Variants in EPS8 observed in about 807,000 individuals in gnomAD.
EPS8 encodes epidermal growth factor receptor kinase substrate 8.
Under a neutral mutation model 103.8 loss-of-function variants are expected in EPS8, and 42 were observed. The observed-to-expected ratio is 0.40, with a 90% CI of 0.32 to 0.52. EPS8 has a LOEUF of 0.52. Among genes scored for constraint, EPS8 ranks in the 20% least tolerant of loss-of-function variants. The probability of loss-of-function intolerance (pLI) is 0.40; values close to 1 mark genes in which losing one functional copy is unlikely to be tolerated. For synonymous variants in EPS8, 344 were observed against 344.6 expected, an observed-to-expected ratio of 1.00 and a Z score of 0.02; for missense variants, 969 against 1,005.1, an observed-to-expected ratio of 0.96 and a Z score of 0.49.
At chr12:15,730,625 G>A (rs1764036353) in intron 1 of EPS8, among the ~76,000 whole-genome samples, 1 of 152,006 alleles carries the variant, frequency 6.6e-6, no homozygotes, top group African/African-American at 2.4e-5. Flanking sequence ...TGAGGGCAGG[G>A]GCCTTCTCTT....
intron 6 of EPS8, among the ~76,000 whole-genome samples, chr12:15,667,503 C>T (rs995877264): frequency 6.6e-6 from 1 of 151,716 alleles, no homozygotes; most frequent in Admixed American, 6.6e-5. Context: ...ACATAGGATA[C>T]TAAAACTGAA....
intron 12 of EPS8, among the ~76,000 whole-genome samples, chr12:15,656,514 G>A (rs1945510201): frequency 6.6e-6 from 1 of 152,126 alleles, no homozygotes; most frequent in Non-Finnish European, 1.5e-5. Flanking sequence ...TGTTTGTAAA[G>A]CAATACTCAT....
At chr12:15,692,531 G>T (rs968600008) in intron 1 of EPS8, among the ~76,000 whole-genome samples, 11 of 151,704 alleles carry the variant, frequency 7.3e-5, no homozygotes, top group African/African-American at 2.7e-4. Flanking sequence ...GGTGTTTTTT[G>T]AAAAATTCAG....
intron 2 of EPS8, among the ~76,000 whole-genome samples, chr12:15,681,622 C>T (rs1028046166): frequency 6.8e-6 from 1 of 146,660 alleles, no homozygotes; most frequent in Admixed American, 7.1e-5. Flanking sequence ...CCCAGCTACT[C>T]GGGAGGCTGA....
chr12:15,731,602 T>C lies in EPS8; in HGVS notation c.-21-48630A>G, dbSNP rs1188838221. On this transcript the variant is annotated intron_variant, in intron 1 of 20. Coordinates refer to ENST00000281172, the MANE Select transcript of EPS8 (RefSeq NM_004447.6). This position sits in a 1 kb window ranked among gnomAD's most constrained non-coding sequence, Gnocchi z 5.1. ...CATGAGCCACCATGCCTGGCCTTAATTGACTTTTAATTGGCTTTTTCACAT... is the reference window on the plus strand; with the variant it reads ...CATGAGCCACCATGCCTGGCCTTAACTGACTTTTAATTGGCTTTTTCACAT... 2.0e-5 allele frequency among the ~76,000 whole-genome samples: 3 copies of C among 152,214 alleles called. No homozygotes were observed. Among genetic ancestry groups the C allele is most frequent in the East Asian group, 1.9e-4 (1 of 5,188 alleles).
chr12:15,775,987 A>G (rs1450419274), intron 1 of EPS8, among the ~76,000 whole-genome samples: 1 of 152,164 alleles, frequency 6.6e-6, no homozygotes, highest in Non-Finnish European at 1.5e-5. Context: ...AGAACACTGG[A>G]AAAAGCTGAA....
rs1009695070 is a variant in EPS8 at position 15,769,405 on chromosome 12, G to A, written c.-22+19756C>T. ...GAATAAGAAAAAATAAATGAAAAAT[G>A]CATTTTCAAGGATATATTAAAGAAA... On this transcript the variant is annotated intron_variant, in intron 1 of 20. Transcript: ENST00000281172. The surrounding 1 kb of genome is among the most constrained non-coding windows in gnomAD (Gnocchi z 4.6). 7.9e-5 allele frequency among the ~76,000 whole-genome samples: 12 copies of A among 152,000 alleles called. No individual in the cohort carries two copies. Among genetic ancestry groups the A allele is most frequent in the African/African-American group, 2.9e-4 (12 of 41,386 alleles).
intron 1 of EPS8, among the ~76,000 whole-genome samples, chr12:15,711,524 G>T (rs1591885202): frequency 6.6e-6 from 1 of 152,166 alleles, no homozygotes; most frequent in Admixed American, 6.5e-5. Flanking sequence ...GTGGGGACAG[G>T]TGGATCAGGG....
rs1034598472 is a variant in EPS8 at position 15,717,774 on chromosome 12, T to A, written c.-21-34802A>T. Among the ~76,000 whole-genome samples the A allele has an allele frequency of 6.6e-6, 1 of 152,042 alleles. No homozygotes were observed. The highest frequency in any genetic ancestry group is 1.5e-5 in the Non-Finnish European group (1 of 68,014). ...TAGGAAAATATTGATTTGAGAAAAA[T>A]GAACCGCAAAATTATGTAACAGGGA... On this transcript the variant is annotated intron_variant, in intron 1 of 20. Coordinates refer to ENST00000281172, the MANE Select transcript of EPS8 (RefSeq NM_004447.6). The surrounding 1 kb of genome is among the most constrained non-coding windows in gnomAD (Gnocchi z 4.3).
At chr12:15,758,592 A>G (rs531115091) in intron 1 of EPS8, among the ~76,000 whole-genome samples, 3 of 152,226 alleles carry the variant, frequency 2.0e-5, no homozygotes, top group Admixed American at 1.3e-4. Context: ...ACTGGTACAG[A>G]TTAAAGAAGG....
chr12:15,774,638 T>C (rs543637237), intron 1 of EPS8, among the ~76,000 whole-genome samples: 30 of 147,236 alleles, frequency 2.0e-4, no homozygotes, highest in African/African-American at 7.4e-4. Context: ...TAAATATACA[T>C]ACATACATAT....
In EPS8 at chr12:15,698,516, T is replaced by C. The variant is rs1293306665; in HGVS notation, c.-21-15544A>G. ...CTCTTATTGCCAGCCAACTTCCTTATTTTCCTCAAATGGAGTGGAAAAATA... is the reference window on the plus strand; with the variant it reads ...CTCTTATTGCCAGCCAACTTCCTTACTTTCCTCAAATGGAGTGGAAAAATA... On this transcript the variant is annotated intron_variant, in intron 1 of 20. Transcript: ENST00000281172. This position sits in a 1 kb window ranked among gnomAD's most constrained non-coding sequence, Gnocchi z 4.9. Among the ~76,000 whole-genome samples, 1 of 150,512 alleles carries C rather than the reference T, an allele frequency of 6.6e-6. No homozygotes were observed. Among genetic ancestry groups the C allele is most frequent in the Non-Finnish European group, 1.5e-5 (1 of 67,908 alleles).
chr12:15,692,510 A>T lies in EPS8; in HGVS notation c.-21-9538T>A, dbSNP rs191482220. On this transcript the variant is annotated intron_variant, in intron 1 of 20. Coordinates refer to ENST00000281172, the MANE Select transcript of EPS8 (RefSeq NM_004447.6). ...ATGTTCTGAAATGTTATGGTGCTAT[A>T]CATTAGTATGGGTGTTTTTTGAAAA... Among the ~76,000 whole-genome samples the T allele has an allele frequency of 1.7e-3, 257 of 152,020 alleles. 1 individual carries two copies. The highest frequency in any genetic ancestry group is 4.5e-3 in the African/African-American group (187 of 41,514).
intron 1 of EPS8, among the ~76,000 whole-genome samples, chr12:15,758,710 G>C (rs1466739038): frequency 6.6e-6 from 1 of 152,172 alleles, no homozygotes; most frequent in East Asian, 1.9e-4. Flanking sequence ...GCAGAAATTT[G>C]AAAATAGACT....
chr12:15,712,299 T>C (rs1038868403), intron 1 of EPS8, among the ~76,000 whole-genome samples: 13 of 152,020 alleles, frequency 8.6e-5, no homozygotes, highest in African/African-American at 3.1e-4. Flanking sequence ...AAGCAAAATG[T>C]TTACACAGAA....
At chr12:15,741,761 G>A (rs1265177575) in intron 1 of EPS8, among the ~76,000 whole-genome samples, 4 of 151,980 alleles carry the variant, frequency 2.6e-5, no homozygotes, top group East Asian at 1.9e-4. Context: ...TGTGCACAAC[G>A]TGCAGGTTTG....
chr12:15,775,530 GA>G (rs1383208888), intron 1 of EPS8, among the ~76,000 whole-genome samples: 2 of 151,998 alleles, frequency 1.3e-5, no homozygotes, highest in African/African-American at 4.8e-5. Context: ...AGTATATGTA[GA>G]AAAACAATAC....
At chr12:15,708,561 A>G (rs1946419355) in intron 1 of EPS8, among the ~76,000 whole-genome samples, 2 of 152,216 alleles carry the variant, frequency 1.3e-5, no homozygotes, top group African/African-American at 4.8e-5. Context: ...AATGTCTGAG[A>G]TGTGTGCATG....
At position 15,727,663 on chromosome 12, in the gene EPS8, G is replaced by A. The variant is rs1452778901; in HGVS notation, c.-21-44691C>T. Among the ~76,000 whole-genome samples, 2 of 152,080 alleles carry A rather than the reference G, an allele frequency of 1.3e-5. No homozygotes were observed. Among genetic ancestry groups the A allele is most frequent in the East Asian group, 3.9e-4 (2 of 5,180 alleles). ...TCACGAGGTCAGGAGTTCGAGACCA[G>A]CCTGACCAACACGGTGAAACCCCGT... On this transcript the variant is annotated intron_variant, in intron 1 of 20. Coordinates refer to ENST00000281172, the MANE Select transcript of EPS8 (RefSeq NM_004447.6). The surrounding 1 kb of genome is among the most constrained non-coding windows in gnomAD (Gnocchi z 4.3).
Sources: allele counts gnomAD v4.1 joint callset (sites outside exome capture counted in the v4.1 genomes callset), GRCh38; gene constraint gnomAD v4.1.1; non-coding constraint Gnocchi (gnomAD v3.1); transcripts MANE v1.5; gene names NCBI Gene and HGNC (gene_info 2026-07-23, HGNC 2026-07-21).